Variants in CNTN5 observed in about 807,000 individuals in gnomAD.
The protein encoded by CNTN5 is contactin-5.
In CNTN5, 77 loss-of-function variants were observed where a neutral mutation model predicts 129.1. That is an observed-to-expected ratio of 0.60 (90% confidence interval 0.50 to 0.72). CNTN5 has a LOEUF of 0.72. Ranked by LOEUF, CNTN5 falls within the 30% of genes least tolerant of loss-of-function variation. CNTN5 has a pLI of 0.00. For synonymous variants in CNTN5, 509 were observed against 465.6 expected (o/e 1.09, Z -1.20); for missense variants, 1,478 against 1,328.8 (o/e 1.11, Z -1.75).
At chr11:99,740,857 T>G (rs1943866763) in intron 3 of CNTN5, among the ~76,000 whole-genome samples, 1 of 152,190 alleles carries the variant, frequency 6.6e-6, no homozygotes, top group Non-Finnish European at 1.5e-5. Flanking sequence ...CCGTAGGAAG[T>G]AGCATCTCAC....
intron 7 of CNTN5, among the ~76,000 whole-genome samples, chr11:99,935,967 A>G (rs1431773311): frequency 6.6e-6 from 1 of 152,154 alleles, no homozygotes; most frequent in African/African-American, 2.4e-5. Flanking sequence ...TATAGAGGGC[A>G]TTCATTGCCA....
At chr11:99,515,416 A>T (rs531191587) in intron 2 of CNTN5, among the ~76,000 whole-genome samples, 2 of 152,188 alleles carry the variant, frequency 1.3e-5, no homozygotes, top group East Asian at 1.9e-4. Context: ...ATAAAAATGC[A>T]TTGTTGTAGT....
chr11:99,959,827 C>T (rs193126348), intron 8 of CNTN5, among the ~76,000 whole-genome samples: 1 of 152,112 alleles, frequency 6.6e-6, no homozygotes, highest in African/African-American at 2.4e-5. Context: ...TTACATCGTT[C>T]AGTAACAGTC....
chr11:99,905,364 C>A (rs1435052338), intron 6 of CNTN5, among the ~76,000 whole-genome samples: 1 of 152,144 alleles, frequency 6.6e-6, no homozygotes, highest in African/African-American at 2.4e-5. Context: ...ATATGGCTAG[C>A]CAGTTTTGCA....
chr11:99,374,560 T>C (rs929701434), intron 2 of CNTN5, among the ~76,000 whole-genome samples: 4 of 152,128 alleles, frequency 2.6e-5, no homozygotes, highest in Non-Finnish European at 4.4e-5. Context: ...GGCAGGTGCC[T>C]GTAGTCCCAG....
intron 6 of CNTN5, among the ~76,000 whole-genome samples, chr11:99,845,873 AT>A: frequency 6.6e-6 from 1 of 152,244 alleles, no homozygotes; most frequent in East Asian, 1.9e-4. Flanking sequence ...AGAAAAAAAA[AT>A]GATAATCCAA....
At chr11:99,211,518 T>A (rs1357282690) in intron 1 of CNTN5, among the ~76,000 whole-genome samples, 1 of 151,686 alleles carries the variant, frequency 6.6e-6, no homozygotes, top group Non-Finnish European at 1.5e-5. Flanking sequence ...ATCTCTATTG[T>A]ACAATTCTAA....
At chr11:99,555,267 C>T (rs544510809) in intron 2 of CNTN5, among the ~76,000 whole-genome samples, 5 of 151,998 alleles carry the variant, frequency 3.3e-5, no homozygotes, top group Non-Finnish European at 5.9e-5. Flanking sequence ...ATTCAAAAAT[C>T]ATTGACATAC....
intron 2 of CNTN5, among the ~76,000 whole-genome samples, chr11:99,371,433 TTGAG>T (rs1939816421): frequency 6.6e-6 from 1 of 152,136 alleles, no homozygotes; most frequent in South Asian, 2.1e-4. Context: ...CAAGTGTACT[TTGAG>T]TAATGACTCA....
chr11:99,731,116 C>CT (rs200763930), intron 3 of CNTN5, among the ~76,000 whole-genome samples: 6,979 of 146,884 alleles, frequency 0.048, 148 homozygotes, highest in Non-Finnish European at 0.054. Context: ...TTTTTTTTTT[C>CT]TTTTTTTTTT....
intron 3 of CNTN5, among the ~76,000 whole-genome samples, chr11:99,556,553 A>G (rs934055848): frequency 5.3e-5 from 5 of 94,856 alleles, no homozygotes; most frequent in African/African-American, 2.2e-4. Context: ...GAAGGCTTGG[A>G]AATATATATA....
At chr11:99,391,740 ATAAGGG>A (rs1282290617) in intron 2 of CNTN5, among the ~76,000 whole-genome samples, 2 of 152,046 alleles carry the variant, frequency 1.3e-5, no homozygotes, top group Admixed American at 1.3e-4. Context: ...AGAATTTAGT[ATAAGGG>A]TATTTGGTCC....
At chr11:99,797,571 G>A (rs915099844) in intron 3 of CNTN5, among the ~76,000 whole-genome samples, 1 of 152,094 alleles carries the variant, frequency 6.6e-6, no homozygotes, top group Admixed American at 6.5e-5. Context: ...CCACTTGTAT[G>A]TCTTCTTTTG....
intron 3 of CNTN5, among the ~76,000 whole-genome samples, chr11:99,625,168 A>C (rs1394878449): frequency 6.6e-6 from 1 of 152,148 alleles, no homozygotes; most frequent in Admixed American, 6.6e-5. Flanking sequence ...TTTTATACTC[A>C]TCTGCTATTG....
At chr11:99,957,695 G>C (rs1256181461) in intron 8 of CNTN5, among the ~76,000 whole-genome samples, 1 of 152,120 alleles carries the variant, frequency 6.6e-6, no homozygotes, top group Admixed American at 6.6e-5. Context: ...GCGTTATTAA[G>C]AAGCATGAGA....
intron 21 of CNTN5, among the ~76,000 whole-genome samples, chr11:100,321,408 C>A (rs1951694419): frequency 6.8e-6 from 1 of 147,456 alleles, no homozygotes; most frequent in Admixed American, 6.8e-5. Context: ...ATTTTTTTAT[C>A]TTGTAATTTT....
At chr11:100,040,919 G>A (rs1039296669) in intron 9 of CNTN5, among the ~76,000 whole-genome samples, 1 of 152,158 alleles carries the variant, frequency 6.6e-6, no homozygotes, top group Non-Finnish European at 1.5e-5. Flanking sequence ...GACCCCTTGT[G>A]CTTCCCGAGT....
chr11:100,336,981 G>GCACA lies in CNTN5; in HGVS notation c.2731-3481_2731-3478dup. Reference sequence around the variant, plus strand: ...GGCAGAAAAGAAATCAAGAGCCAGAGCACAGCACATTGAACCCACACACAT... The same window carrying GCACA: ...GGCAGAAAAGAAATCAAGAGCCAGAGCACACACAGCACATTGAACCCACACACAT... On this transcript the variant is annotated intron_variant, in intron 21 of 24. Transcript: ENST00000524871. The GCACA allele has an allele frequency of 4.0e-6, 3 of 757,946 alleles. No individual in the cohort carries two copies. The South Asian group carries it at 4.3e-5, about 11-fold the overall frequency. The allele number at this position is 757,946 out of a possible 1,614,324, so 47.0% of individuals were successfully genotyped here. A position where few individuals can be genotyped will look rare whatever the true frequency, so the allele number is the denominator to read the frequency against.
intron 2 of CNTN5, among the ~76,000 whole-genome samples, chr11:99,522,864 C>T (rs773410929): frequency 2.0e-5 from 3 of 152,104 alleles, no homozygotes; most frequent in Non-Finnish European, 2.9e-5. Context: ...CGTGCCTTCT[C>T]GCCCTTCCTT....
Sources: allele counts gnomAD v4.1 joint callset (sites outside exome capture counted in the v4.1 genomes callset), GRCh38; gene constraint gnomAD v4.1.1; transcripts MANE v1.5; gene names NCBI Gene and HGNC (gene_info 2026-07-23, HGNC 2026-07-21).